RFFL: variants seen among roughly 807,000 people sequenced by gnomAD.
RFFL encodes the protein ring finger and FYVE like domain containing E3 ubiquitin protein ligase.
In RFFL, 16 loss-of-function variants were observed where a neutral mutation model predicts 40.4. The ratio of observed to expected loss-of-function variants is 0.40; its 90% CI spans 0.27 to 0.60. The LOEUF is 0.60. Ranked by LOEUF, RFFL falls within the 20% of genes least tolerant of loss-of-function variation. RFFL has a pLI of 0.47. For synonymous variants in RFFL, 154 were observed against 167.9 expected, an observed-to-expected ratio of 0.92 and a Z score of 0.64; for missense variants, 367 against 451.7, an observed-to-expected ratio of 0.81 and a Z score of 1.70.
chr17:35,027,533 T>C (rs1022228751), intron 1 of RFFL, among the ~76,000 whole-genome samples: 8 of 152,004 alleles, frequency 5.3e-5, no homozygotes, highest in African/African-American at 1.9e-4. Context: ...GAGACCAGCC[T>C]GACCAACATG....
upstream of RFFL, among the ~76,000 whole-genome samples, chr17:35,065,918 T>C (rs776565336): frequency 6.6e-6 from 1 of 152,132 alleles, no homozygotes; most frequent in Non-Finnish European, 1.5e-5. Flanking sequence ...TATGAGGCTA[T>C]GGGAGAAATA....
intron 1 of RFFL, 77 bp from the exon 2 acceptor site, chr17:35,026,638 G>T: frequency 1.7e-6 from 2 of 1,184,988 alleles, no homozygotes; most frequent in Non-Finnish European, 1.2e-6. Flanking sequence ...CGAGAGCACA[G>T]GTGAGCAGTG....
At chr17:35,044,802 G>C (rs2091188073) in intron 1 of RFFL, among the ~76,000 whole-genome samples, 1 of 151,898 alleles carries the variant, frequency 6.6e-6, no homozygotes, top group Admixed American at 6.6e-5. Flanking sequence ...GAGCACTGTT[G>C]CCACCTCACC....
intron 1 of RFFL, among the ~76,000 whole-genome samples, chr17:35,085,493 G>T (rs1245382302): frequency 6.6e-6 from 1 of 152,166 alleles, no homozygotes; most frequent in South Asian, 2.1e-4. Flanking sequence ...GCAGTGGTGC[G>T]ATCTCGGCTC....
chr17:35,056,658 T>C (rs2091263283), intron 1 of RFFL, among the ~76,000 whole-genome samples: 1 of 152,060 alleles, frequency 6.6e-6, no homozygotes, highest in African/African-American at 2.4e-5. Context: ...ATTACAGGCG[T>C]GAGCCACCAT....
chr17:35,006,502 T>C lies in RFFL; in HGVS notation c.*5466A>G, dbSNP rs899678740. 1 of 152,230 alleles carries C rather than the reference T, an allele frequency of 6.6e-6. No homozygotes were observed. The highest frequency in any genetic ancestry group is 1.5e-5 in the Non-Finnish European group (1 of 68,078). The allele number at this position is 152,230 out of a possible 1,614,324, so 9.4% of individuals were successfully genotyped here. ...GTTGTCCTGTTGTCCTGAGCAACATTATGTAAAGCACTTAGCCCAGAGCCT... is the reference window on the plus strand; with the variant it reads ...GTTGTCCTGTTGTCCTGAGCAACATCATGTAAAGCACTTAGCCCAGAGCCT... On this transcript the variant is annotated 3_prime_UTR_variant, in exon 7 of 7. Transcript: ENST00000394597.
At chr17:35,025,419 CTTAAATT>C (rs2091035010) in intron 2 of RFFL, 1 of 152,162 alleles carries the variant, frequency 6.6e-6, no homozygotes, top group African/African-American at 2.4e-5. Context: ...CAATGTTCTT[CTTAAATT>C]TTAAACCCTA....
intron 1 of RFFL, among the ~76,000 whole-genome samples, chr17:35,034,838 C>T (rs1038420362): frequency 3.3e-5 from 5 of 152,074 alleles, no homozygotes. Flanking sequence ...AATCAATGTA[C>T]TTACGAAGCA....
chr17:35,016,286 T>C, intron 5 of RFFL, 84 bp downstream of exon 5: 1 of 1,203,488 alleles, frequency 8.3e-7, no homozygotes, highest in South Asian at 1.3e-5. Context: ...GTGTGGAAAT[T>C]GAGTCAGGTC....
At chr17:35,084,541 C>T (rs886141426) in intron 1 of RFFL, among the ~76,000 whole-genome samples, 1 of 152,004 alleles carries the variant, frequency 6.6e-6, no homozygotes, top group Non-Finnish European at 1.5e-5. Context: ...TTACAGTGAG[C>T]CGAGATCACC....
chr17:35,044,531 G>C (rs924649511), intron 1 of RFFL, among the ~76,000 whole-genome samples: 1 of 152,150 alleles, frequency 6.6e-6, no homozygotes, highest in Non-Finnish European at 1.5e-5. Context: ...CAGGAGAATC[G>C]CTTATCTGGG....
At chr17:35,051,951 A>G (rs1448839210) in intron 1 of RFFL, among the ~76,000 whole-genome samples, 5 of 152,224 alleles carry the variant, frequency 3.3e-5, no homozygotes, top group Non-Finnish European at 5.9e-5. Context: ...CCCAGGCCAC[A>G]TTCAGTTCTA....
At chr17:35,078,798 G>C (rs2091389777) in intron 1 of RFFL, among the ~76,000 whole-genome samples, 1 of 151,972 alleles carries the variant, frequency 6.6e-6, no homozygotes, top group Non-Finnish European at 1.5e-5. Flanking sequence ...TGGCCAACAT[G>C]ATGAAACCCC....
Position 35,016,512 on chromosome 17 carries a change from C to T in RFFL, c.744G>A (p.Glu248=), listed in dbSNP as rs2090974310. The T allele has an allele frequency of 6.2e-7, 1 of 1,614,192 alleles. No individual in the cohort carries two copies. The highest frequency in any genetic ancestry group is 8.5e-7 in the Non-Finnish European group (1 of 1,180,022). Residue 248 remains glutamate, a synonymous_variant, in exon 5 of 7, where the codon GAG becomes GAA. Transcript: ENST00000394597. ...RASLSDLTDL[E]DIEGLTVRQL... The stretch of plus-strand genomic sequence containing the variant: ...GCCGCACTGTCAGGCCTTCAATGTC[C>T]TCCAGGTCAGTCAGGTCAGACAGAG...
intron 1 of RFFL, among the ~76,000 whole-genome samples, chr17:35,044,398 T>C (rs531858341): frequency 1.3e-4 from 20 of 152,278 alleles, no homozygotes; most frequent in African/African-American, 4.6e-4. Flanking sequence ...TAATAAGTGT[T>C]GTCAGCCAGG....
chr17:35,045,959 G>A (rs2142351189), intron 1 of RFFL, among the ~76,000 whole-genome samples: 1 of 151,056 alleles, frequency 6.6e-6, no homozygotes, highest in East Asian at 2.0e-4. Context: ...CTGGGAGGCG[G>A]AGGTTGCGGT....
intron 1 of RFFL, among the ~76,000 whole-genome samples, chr17:35,035,322 T>G (rs1390871630): frequency 6.6e-6 from 1 of 150,872 alleles, no homozygotes; most frequent in Non-Finnish European, 1.5e-5. Context: ...GGCAGGAGAA[T>G]CACTTGAACC....
intron 6 of RFFL, among the ~76,000 whole-genome samples, chr17:35,013,521 C>A (rs1035728991): frequency 5.3e-5 from 8 of 152,264 alleles, no homozygotes; most frequent in Middle Eastern, 3.4e-3. Context: ...TTGGCCAACC[C>A]ATAGAGGAAT....
chr17:35,040,283 T>C (rs2091155188), intron 1 of RFFL, among the ~76,000 whole-genome samples: 1 of 152,066 alleles, frequency 6.6e-6, no homozygotes, highest in Non-Finnish European at 1.5e-5. Flanking sequence ...GGCCTCCCTC[T>C]CCAACCACAC....
Sources: allele counts gnomAD v4.1 joint callset (sites outside exome capture counted in the v4.1 genomes callset), GRCh38; gene constraint gnomAD v4.1.1; transcripts MANE v1.5; gene names NCBI Gene and HGNC (gene_info 2026-07-23, HGNC 2026-07-21).